TTC39B: variants seen among roughly 807,000 people sequenced by gnomAD.
The protein encoded by TTC39B is tetratricopeptide repeat protein 39B.
TTC39B carries 92 observed loss-of-function variants against 96.6 expected under a neutral mutation model. The ratio of observed to expected loss-of-function variants is 0.95; its 90% CI spans 0.80 to 1.13. The LOEUF is 1.13. Ranked by LOEUF, TTC39B falls within the 50% of genes most tolerant of loss-of-function variation. The pLI, the probability that TTC39B is intolerant of heterozygous loss-of-function variation, is 0.00. For synonymous variants in TTC39B, 367 were observed against 299.4 expected (o/e 1.23, Z -2.33); for missense variants, 955 against 809.3 (o/e 1.18, Z -2.18).
chr9:15,253,889 C>T (rs2131514583), intron 2 of TTC39B, among the ~76,000 whole-genome samples: 1 of 152,196 alleles, frequency 6.6e-6, no homozygotes, highest in South Asian at 2.1e-4. Context: ...ATAACATCTC[C>T]AACTATTGTC....
At chr9:15,212,205 A>G (rs540590219) in intron 4 of TTC39B, among the ~76,000 whole-genome samples, 96 of 152,340 alleles carry the variant, frequency 6.3e-4, no homozygotes, top group African/African-American at 2.2e-3. Context: ...TGCAAGCCAC[A>G]TTATTCTTTG....
At chr9:15,255,758 T>C (rs1416106667) in intron 2 of TTC39B, among the ~76,000 whole-genome samples, 1 of 152,202 alleles carries the variant, frequency 6.6e-6, no homozygotes, top group African/African-American at 2.4e-5. Flanking sequence ...GGATAGTGTT[T>C]ACTATGCCCA....
At chr9:15,271,761 A>G (rs1823362084) in intron 1 of TTC39B, among the ~76,000 whole-genome samples, 2 of 152,292 alleles carry the variant, frequency 1.3e-5, no homozygotes, top group African/African-American at 2.4e-5. Flanking sequence ...TTAATCTAAC[A>G]TTCTTCCTTA....
intron 2 of TTC39B, chr9:15,249,740 G>A: frequency 2.8e-6 from 1 of 353,244 alleles, no homozygotes; most frequent in Non-Finnish European, 4.4e-6. Context: ...AGCCAAGCAG[G>A]CTTGACATGA....
chr9:15,171,671 C>A lies in TTC39B; in HGVS notation c.*348G>T, dbSNP rs940591512. On this transcript the variant is annotated 3_prime_UTR_variant, in exon 20 of 20. Transcript: ENST00000512701. Reference sequence around the variant, plus strand: ...ATCCAAAATTGGCTCAACTTGTAAGCTATTTGCTAAACAATATTAATTTTC... The same window carrying A: ...ATCCAAAATTGGCTCAACTTGTAAGATATTTGCTAAACAATATTAATTTTC... 1,300 of 154,480 alleles carry A rather than the reference C, an allele frequency of 8.4e-3. 24 individuals are homozygous for A. Among genetic ancestry groups the A allele is most frequent in the African/African-American group, 0.029 (1,226 of 41,592 alleles). The allele number at this position is 154,480 out of a possible 1,614,324, so 9.6% of individuals were successfully genotyped here. A position where few individuals can be genotyped will look rare whatever the true frequency, so the allele number is the denominator to read the frequency against.
chr9:15,282,910 A>C (rs1040191465), intron 1 of TTC39B, among the ~76,000 whole-genome samples: 1 of 152,242 alleles, frequency 6.6e-6, no homozygotes, highest in Non-Finnish European at 1.5e-5. Flanking sequence ...TGTAAATTCA[A>C]CAAACTGAGC....
intron 2 of TTC39B, chr9:15,249,770 G>A: frequency 1.9e-6 from 1 of 524,568 alleles, no homozygotes; most frequent in Non-Finnish European, 2.7e-6. Context: ...TGAAGACAAT[G>A]TCATCTAACA....
chr9:15,248,189 A>T (rs536228839), intron 2 of TTC39B, among the ~76,000 whole-genome samples: 1 of 152,308 alleles, frequency 6.6e-6, no homozygotes, highest in Admixed American at 6.5e-5. Context: ...AGAACATTCT[A>T]ACATAGCCAA....
At chr9:15,220,414 G>C (rs913155657) in intron 3 of TTC39B, among the ~76,000 whole-genome samples, 2 of 152,156 alleles carry the variant, frequency 1.3e-5, no homozygotes, top group African/African-American at 2.4e-5. Context: ...GTTAGATGGC[G>C]AGACTTCCAA....
intron 3 of TTC39B, among the ~76,000 whole-genome samples, chr9:15,223,428 A>G (rs894599570): frequency 2.6e-5 from 4 of 152,242 alleles, no homozygotes; most frequent in Admixed American, 6.5e-5. Context: ...GGGGTGTCTC[A>G]CTTGTTAAAT....
At chr9:15,211,184 T>C in intron 5 of TTC39B, 82 bp downstream of exon 5, 1 of 1,369,272 alleles carries the variant, frequency 7.3e-7, no homozygotes, top group Non-Finnish European at 9.5e-7. Flanking sequence ...ACAGAGCTTT[T>C]GGTCAGGCAA....
At chr9:15,285,220 G>T (rs1823920034) in intron 1 of TTC39B, among the ~76,000 whole-genome samples, 1 of 150,012 alleles carries the variant, frequency 6.7e-6, no homozygotes, top group African/African-American at 2.5e-5. Context: ...AGTGAGCCGA[G>T]ATCACGCCAC....
At chr9:15,253,002 C>A (rs1822618381) in intron 2 of TTC39B, among the ~76,000 whole-genome samples, 1 of 152,182 alleles carries the variant, frequency 6.6e-6, no homozygotes, top group Non-Finnish European at 1.5e-5. Flanking sequence ...GTAATCTCAA[C>A]ACACTGAAAT....
chr9:15,174,462 G>C (rs906821377), intron 19 of TTC39B, among the ~76,000 whole-genome samples: 7 of 152,146 alleles, frequency 4.6e-5, no homozygotes, highest in Non-Finnish European at 8.8e-5. Flanking sequence ...TACCAGAATT[G>C]ATAAAAATAC....
At chr9:15,276,052 G>A (rs1391706494) in intron 1 of TTC39B, among the ~76,000 whole-genome samples, 1 of 152,204 alleles carries the variant, frequency 6.6e-6, no homozygotes, top group Non-Finnish European at 1.5e-5. Flanking sequence ...CAGGTAGTTT[G>A]CTAGTATAAA....
chr9:15,271,352 G>A (rs1016900573), intron 1 of TTC39B, among the ~76,000 whole-genome samples: 11 of 152,176 alleles, frequency 7.2e-5, no homozygotes, highest in African/African-American at 2.7e-4. Context: ...CAAAGATTAT[G>A]ATTTTGCTGC....
intron 2 of TTC39B, among the ~76,000 whole-genome samples, chr9:15,237,078 G>C (rs1381612433): frequency 6.6e-6 from 1 of 152,180 alleles, no homozygotes; most frequent in Non-Finnish European, 1.5e-5. Flanking sequence ...ACTTTGGGAG[G>C]CCCAGGCGGA....
chr9:15,179,331 T>G (rs1191701473), intron 17 of TTC39B, among the ~76,000 whole-genome samples: 5 of 152,178 alleles, frequency 3.3e-5, no homozygotes, highest in African/African-American at 1.2e-4. Flanking sequence ...ATCCTCCTGC[T>G]TTCAGCACAA....
intron 2 of TTC39B, among the ~76,000 whole-genome samples, chr9:15,234,205 C>T (rs1300801514): frequency 2.0e-5 from 3 of 151,796 alleles, no homozygotes; most frequent in African/African-American, 7.3e-5. Context: ...GGCAGCCACC[C>T]CGTCTGGGAA....
Sources: allele counts gnomAD v4.1 joint callset (sites outside exome capture counted in the v4.1 genomes callset), GRCh38; gene constraint gnomAD v4.1.1; transcripts MANE v1.5; gene names NCBI Gene and HGNC (gene_info 2026-07-23, HGNC 2026-07-21).